Variants in CNDP2 observed in about 807,000 individuals in gnomAD.
The protein encoded by CNDP2 is carnosine dipeptidase 2, also known as cytosolic non-specific dipeptidase.
CNDP2 carries 38 observed loss-of-function variants against 55.0 expected under a neutral mutation model. The ratio of observed to expected loss-of-function variants is 0.69; its 90% confidence interval spans 0.53 to 0.90. The LOEUF (loss-of-function observed/expected upper bound fraction) is 0.90, where lower values mean the gene tolerates loss of function less well. Among genes scored for constraint, CNDP2 ranks in the 40% least tolerant of loss-of-function variants. The pLI is 0.00. For synonymous variants in CNDP2, 241 were observed against 260.2 expected (o/e 0.93, Z 0.71); for missense variants, 607 against 621.7 (o/e 0.98, Z 0.25).
chr18:74,504,719 A>C (rs1249551971), intron 3 of CNDP2: 1 of 152,216 alleles, frequency 6.6e-6, no homozygotes, highest in Non-Finnish European at 1.5e-5. Context: ...TATGTATGTC[A>C]TGTTTTAGTA....
In CNDP2 at chr18:74,516,242, G is replaced by T. The variant is rs749048991; in HGVS notation, c.918G>T (p.Met306Ile). ...LLHSHKKDIL[M>I]HRWRYPSLSL... Reference sequence around the variant, plus strand: ...TTTTTCTGCAGAAAGACATCCTCATGCACCGATGGCGGTACCCGTCTCTGT... The same window carrying T: ...TTTTTCTGCAGAAAGACATCCTCATTCACCGATGGCGGTACCCGTCTCTGT... Residue 306 changes from methionine (M) to isoleucine (I), a missense_variant, in exon 9 of 12, where the codon ATG becomes ATT. Coordinates refer to ENST00000324262, the MANE Select transcript of CNDP2 (RefSeq NM_018235.3). 1.2e-6 allele frequency: 2 copies of T among 1,613,062 alleles called. No homozygotes were observed. The highest frequency in any genetic ancestry group is 2.2e-5 in the South Asian group (2 of 90,964).
intron 3 of CNDP2, 104 bp downstream of exon 3, chr18:74,501,576 C>CA: frequency 7.1e-7 from 1 of 1,409,690 alleles, no homozygotes; most frequent in Non-Finnish European, 9.6e-7. Flanking sequence ...TCACATACCC[C>CA]ACTCACCTTT....
At chr18:74,513,408 G>A (rs1163573154) in intron 7 of CNDP2, 151 bp from the exon 8 acceptor site, 3 of 728,244 alleles carry the variant, frequency 4.1e-6, no homozygotes, top group African/African-American at 3.6e-5. Context: ...GTGGACGCTT[G>A]TGGCTGCTCT....
In CNDP2 at chr18:74,518,640, G is replaced by A. The variant is rs756043740; in HGVS notation, c.1210G>A (p.Val404Ile). 9 of 1,614,116 alleles carry A rather than the reference G, an allele frequency of 5.6e-6. No individual in the cohort carries two copies. Among genetic ancestry groups the A allele is most frequent in the Non-Finnish European group, 7.6e-6 (9 of 1,180,040 alleles). The change falls in exon 10 of 12, where the codon GTT becomes ATT. Residue 404 changes from valine (V) to isoleucine (I), a missense_variant and splice_region_variant. By Grantham distance (29) the Val-to-Ile change is conservative (BLOSUM62 3). Transcript: ENST00000324262. The part of the protein sequence containing the change: ...YLAGRRAMKT[V>I]FGVEPDLTRE... ...GGCTGGGAGAAGAGCCATGAAGACA[G>A]GTTGGACGCTCTCCTTGTGGATGAT...
At chr18:74,515,001 A>C (rs1337935345) in intron 8 of CNDP2, among the ~76,000 whole-genome samples, 1 of 152,188 alleles carries the variant, frequency 6.6e-6, no homozygotes, top group Non-Finnish European at 1.5e-5. Flanking sequence ...GCTGAGGCTC[A>C]TCAGGGTCCT....
chr18:74,501,534 A>G, intron 3 of CNDP2, 62 bp downstream of exon 3: 1 of 1,527,476 alleles, frequency 6.5e-7, no homozygotes. Flanking sequence ...GGGGTTGACA[A>G]GACGCCACAA....
intron 7 of CNDP2, among the ~76,000 whole-genome samples, chr18:74,512,757 G>A (rs540475770): frequency 3.2e-4 from 48 of 152,258 alleles, no homozygotes; most frequent in African/African-American, 1.0e-3. Context: ...ACCACCTGGT[G>A]AAACCTTGCC....
chr18:74,506,275 C>T (rs953947632), intron 4 of CNDP2, among the ~76,000 whole-genome samples: 8 of 152,146 alleles, frequency 5.3e-5, no homozygotes, highest in African/African-American at 1.2e-4. Flanking sequence ...GCTGGGATTA[C>T]GGGCGCCCAT....
rs181754615 is a variant in CNDP2 at position 74,498,124 on chromosome 18, G to C, written c.-93+1693G>C. ...TGTTTCCTCTCTTTTAGTGAAAGTCGTAACTTAGATAATTACAGTCATATG... is the reference window on the plus strand; with the variant it reads ...TGTTTCCTCTCTTTTAGTGAAAGTCCTAACTTAGATAATTACAGTCATATG... On this transcript the variant is annotated intron_variant, in intron 1 of 11. Coordinates refer to ENST00000324262, the MANE Select transcript of CNDP2 (RefSeq NM_018235.3). 3.2e-4 allele frequency: 48 copies of C among 152,228 alleles called. 2 individuals are homozygous for C. The highest frequency in any genetic ancestry group is 1.2e-3 in the African/African-American group (48 of 41,532). 9.4% of individuals were successfully genotyped at this position (152,228 alleles called of 1,614,324 possible). A position where few individuals can be genotyped will look rare whatever the true frequency, so the allele number is the denominator to read the frequency against.
In CNDP2 at chr18:74,518,946, C is replaced by CG; in HGVS notation, c.1211-3_1211-2insG. ...CCGTTTATTTTATTTCATTTCCCCC[C>CG]AGTTTTTGGTGTTGAGCCAGACTTG... is the stretch of plus-strand genomic sequence containing the variant. On this transcript the variant is annotated splice_region_variant and splice_polypyrimidine_tract_variant and intron_variant, in intron 10 of 11. Coordinates refer to ENST00000324262, the MANE Select transcript of CNDP2 (RefSeq NM_018235.3). 6.2e-7 allele frequency: 1 copy of CG among 1,613,962 alleles called. No homozygotes were observed. Among genetic ancestry groups the CG allele is most frequent in the East Asian group, 2.2e-5 (1 of 44,862 alleles).
At chr18:74,506,158 G>C in intron 4 of CNDP2, 147 bp downstream of exon 4, 1 of 712,700 alleles carries the variant, frequency 1.4e-6, no homozygotes, top group Non-Finnish European at 1.9e-6. Flanking sequence ...TTTTGAGACA[G>C]AGTCTCACTC....
chr18:74,496,992 G>C (rs1003001002), intron 1 of CNDP2, among the ~76,000 whole-genome samples: 47 of 152,228 alleles, frequency 3.1e-4, no homozygotes, highest in African/African-American at 1.1e-3. Context: ...AGGAGGAAGC[G>C]TCTGAGGGGA....
At chr18:74,515,913 C>A (rs1979635141) in intron 8 of CNDP2, among the ~76,000 whole-genome samples, 1 of 152,208 alleles carries the variant, frequency 6.6e-6, no homozygotes, top group South Asian at 2.1e-4. Context: ...CCTTGACACC[C>A]CCAGTTCTAC....
At chr18:74,508,816 T>C in intron 4 of CNDP2, 24 bp from the exon 5 acceptor site, 1 of 1,602,320 alleles carries the variant, frequency 6.2e-7, no homozygotes, top group Non-Finnish European at 8.6e-7. Context: ...CATCACTTTA[T>C]GAATTTGTGG....
intron 5 of CNDP2, among the ~76,000 whole-genome samples, chr18:74,510,105 C>T (rs11151961): frequency 0.18 from 26,709 of 152,140 alleles, 2,650 homozygotes; most frequent in East Asian, 0.29. Context: ...TGGCTGTGCA[C>T]GGGCAGAGGT....
At chr18:74,516,617 C>G in intron 9 of CNDP2, 1 of 436,978 alleles carries the variant, frequency 2.3e-6, no homozygotes, top group East Asian at 3.8e-5. Flanking sequence ...AAAATCTGGC[C>G]TTTGACCTCA....
chr18:74,516,684 A>G (rs1250760495), intron 9 of CNDP2: 1 of 304,842 alleles, frequency 3.3e-6, no homozygotes, highest in African/African-American at 2.2e-5. Context: ...TTCTGGTCAG[A>G]GTCCCAGAGC....
chr18:74,511,659 G>A (rs1979359570), intron 6 of CNDP2, among the ~76,000 whole-genome samples: 1 of 149,944 alleles, frequency 6.7e-6, no homozygotes, highest in Non-Finnish European at 1.5e-5. Flanking sequence ...AGTGAGTGGA[G>A]ATTGCACCAT....
At chr18:74,516,157 A>C (rs1979651494) in intron 8 of CNDP2, 71 bp from the exon 9 acceptor site, 1 of 1,483,958 alleles carries the variant, frequency 6.7e-7, no homozygotes, top group Admixed American at 2.1e-5. Flanking sequence ...CAACATTCCC[A>C]GCTCCTCGGT....
Sources: allele counts gnomAD v4.1 joint callset (sites outside exome capture counted in the v4.1 genomes callset), GRCh38; gene constraint gnomAD v4.1.1; transcripts MANE v1.5; gene names NCBI Gene and HGNC (gene_info 2026-07-23, HGNC 2026-07-21).